RBX1: variants seen among roughly 807,000 people sequenced by gnomAD.
RBX1 encodes the protein ring-box 1, also known as E3 ubiquitin-protein ligase RBX1.
For missense variants in RBX1, 46 were observed against 141.4 expected, an observed-to-expected ratio of 0.33 and a Z score of 3.42; for synonymous variants, 48 against 47.9, an observed-to-expected ratio of 1.00 and a Z score of -0.01.
chr22:40,954,875 C>T (rs2058321020), intron 2 of RBX1, among the ~76,000 whole-genome samples: 1 of 152,104 alleles, frequency 6.6e-6, no homozygotes, highest in Admixed American at 6.6e-5. Flanking sequence ...CAACCTCCGC[C>T]TCCCGAGTTC....
chr22:40,970,325 G>A (rs1308479925), intron 4 of RBX1, among the ~76,000 whole-genome samples: 2 of 151,140 alleles, frequency 1.3e-5, no homozygotes, highest in Non-Finnish European at 2.9e-5. Context: ...CACATCAGCC[G>A]GGGCAAAAGA....
intron 3 of RBX1, 198 bp downstream of exon 3, chr22:40,964,315 G>T: frequency 4.3e-6 from 2 of 465,102 alleles, no homozygotes; most frequent in South Asian, 2.9e-5. Context: ...CTGCAAAGAG[G>T]CACTTATTTG....
chr22:40,953,827 T>C (rs2058317950), intron 2 of RBX1, among the ~76,000 whole-genome samples, 194 bp downstream of exon 2: 1 of 152,178 alleles, frequency 6.6e-6, no homozygotes, highest in African/African-American at 2.4e-5. Flanking sequence ...TACCCAGCTC[T>C]CAGAATAAAT....
intron 4 of RBX1, among the ~76,000 whole-genome samples, chr22:40,968,189 C>A (rs1028632039): frequency 6.8e-6 from 1 of 146,968 alleles, no homozygotes; most frequent in African/African-American, 2.5e-5. Flanking sequence ...CTCCCAGATT[C>A]AAGCGATCCT....
chr22:40,959,626 C>T (rs1601536146), intron 2 of RBX1, among the ~76,000 whole-genome samples: 1 of 152,124 alleles, frequency 6.6e-6, no homozygotes, highest in Admixed American at 6.6e-5. Context: ...GCCTGGGCAA[C>T]GTGGGGAAAC....
At chr22:40,962,528 C>A (rs2058343741) in intron 2 of RBX1, among the ~76,000 whole-genome samples, 2 of 142,450 alleles carry the variant, frequency 1.4e-5, no homozygotes, top group South Asian at 4.5e-4. Flanking sequence ...CAGAGTCTCA[C>A]TGTGTCACCC....
intron 2 of RBX1, among the ~76,000 whole-genome samples, chr22:40,957,068 CG>C (rs1387528967): frequency 6.6e-6 from 1 of 151,300 alleles, no homozygotes; most frequent in African/African-American, 2.4e-5. Context: ...TACTCTTAGG[CG>C]GGGCGCGGTG....
intron 2 of RBX1, among the ~76,000 whole-genome samples, chr22:40,956,752 T>C (rs189416979): frequency 2.0e-5 from 3 of 150,620 alleles, no homozygotes; most frequent in Non-Finnish European, 4.4e-5. Flanking sequence ...AACACACTCT[T>C]AGGCCAGGCG....
At chr22:40,951,991 A>G (rs2058312371) in intron 1 of RBX1, among the ~76,000 whole-genome samples, 1 of 152,050 alleles carries the variant, frequency 6.6e-6, no homozygotes, top group Admixed American at 6.5e-5. Flanking sequence ...TCTCACTTGG[A>G]GGGATCCTCG....
At chr22:40,962,119 A>C (rs1362753099) in intron 2 of RBX1, among the ~76,000 whole-genome samples, 2 of 143,860 alleles carry the variant, frequency 1.4e-5, no homozygotes, top group Non-Finnish European at 3.0e-5. Context: ...TTGTTTTTTG[A>C]GACAGAGTCT....
chr22:40,967,940 A>AGCGT (rs1186974949), intron 4 of RBX1, 56 bp downstream of exon 4: 2 of 1,259,774 alleles, frequency 1.6e-6, no homozygotes, highest in Admixed American at 3.4e-5. Flanking sequence ...GGCTGAAAGG[A>AGCGT]GCGTGGTCTT....
At chr22:40,967,185 G>C (rs1458619185) in intron 3 of RBX1, 1 of 152,142 alleles carries the variant, frequency 6.6e-6, no homozygotes, top group African/African-American at 2.4e-5. Context: ...ACCCATTAAA[G>C]GCACGTGAAG....
intron 2 of RBX1, among the ~76,000 whole-genome samples, chr22:40,958,349 G>A (rs963301663): frequency 6.6e-6 from 1 of 150,392 alleles, no homozygotes; most frequent in African/African-American, 2.4e-5. Context: ...AACTTAGCAA[G>A]TAAAGAAAAA....
intron 2 of RBX1, among the ~76,000 whole-genome samples, chr22:40,963,817 G>T (rs1357463864): frequency 6.6e-6 from 1 of 152,196 alleles, no homozygotes; most frequent in Non-Finnish European, 1.5e-5. Context: ...CTGCACTGTA[G>T]CCTGGGCAAC....
Position 40,951,415 on chromosome 22 carries a change from A to C in RBX1, c.17A>C (p.Asp6Ala). Residue 6 changes from aspartate (D) to alanine (A), a missense_variant, in exon 1 of 5, where the codon GAT becomes GCT. Asp to Ala is a moderately radical substitution (Grantham distance 126). Coordinates refer to ENST00000216225, the MANE Select transcript of RBX1 (RefSeq NM_014248.4). MAAAM[D>A]VDTPSGTNSG... The stretch of plus-strand genomic sequence containing the variant: ...GTTTCCAAAATGGCGGCAGCGATGG[A>C]TGTGGATACCCCGAGCGGCACCAAC... 1 of 1,613,306 alleles carries C rather than the reference A, an allele frequency of 6.2e-7. No homozygotes were observed.
At chr22:40,969,564 C>A (rs1601540169) in intron 4 of RBX1, among the ~76,000 whole-genome samples, 2 of 151,918 alleles carry the variant, frequency 1.3e-5, no homozygotes, top group African/African-American at 2.4e-5. Flanking sequence ...AGCCTGGTAA[C>A]ATGTTGAAAC....
At chr22:40,957,808 C>T (rs1008437354) in intron 2 of RBX1, among the ~76,000 whole-genome samples, 4 of 151,934 alleles carry the variant, frequency 2.6e-5, no homozygotes, top group African/African-American at 7.3e-5. Flanking sequence ...GGACCACAGA[C>T]GTGCACTACC....
At chr22:40,956,908 G>C (rs1488157921) in intron 2 of RBX1, among the ~76,000 whole-genome samples, 1 of 151,814 alleles carries the variant, frequency 6.6e-6, no homozygotes, top group African/African-American at 2.4e-5. Flanking sequence ...GATGGCGGGC[G>C]CCTGTAGTCC....
intron 2 of RBX1, among the ~76,000 whole-genome samples, chr22:40,961,151 G>A (rs773685957): frequency 7.0e-6 from 1 of 142,114 alleles, no homozygotes; most frequent in African/African-American, 2.6e-5. Flanking sequence ...GCAGTGGTAC[G>A]ATCATGGTGC....
Sources: gnomAD v4.1 joint callset for allele counts (sites outside exome capture counted in the v4.1 genomes callset) on GRCh38, gnomAD v4.1.1 for gene constraint, MANE v1.5 for transcripts, NCBI Gene and HGNC (gene_info 2026-07-23, HGNC 2026-07-21) for gene names.